Variants in PIGQ observed in about 807,000 individuals in gnomAD.
The protein encoded by PIGQ is phosphatidylinositol glycan anchor biosynthesis class Q, also known as phosphatidylinositol N-acetylglucosaminyltransferase subunit Q.
PIGQ carries 54 observed loss-of-function variants against 60.3 expected under a neutral mutation model. That is an observed-to-expected ratio of 0.90 (90% confidence interval 0.72 to 1.12). The LOEUF (loss-of-function observed/expected upper bound fraction) is 1.12. Among genes scored for constraint, PIGQ ranks in the 50% most tolerant of loss-of-function variants. The pLI is 0.00. For missense variants in PIGQ, 799 were observed against 793.5 expected (o/e 1.01, Z -0.08); for synonymous variants, 416 against 363.7 (o/e 1.14, Z -1.64).
intron 9 of PIGQ, chr16:581,918 C>T (rs759585742): frequency 3.8e-5 from 14 of 370,508 alleles, no homozygotes; most frequent in Non-Finnish European, 6.8e-5. Flanking sequence ...CACACGCCAT[C>T]ACACCCGGCT....
At chr16:571,778 G>A (rs749396879) in intron 1 of PIGQ, among the ~76,000 whole-genome samples, 24 of 152,268 alleles carry the variant, frequency 1.6e-4, no homozygotes, top group Non-Finnish European at 2.8e-4. Flanking sequence ...GACCGTCCCA[G>A]AGGCTGAGGT....
At chr16:571,962 G>T (rs140915348) in intron 1 of PIGQ, among the ~76,000 whole-genome samples, 1 of 151,966 alleles carries the variant, frequency 6.6e-6, no homozygotes, top group Non-Finnish European at 1.5e-5. Flanking sequence ...CGCACAGATC[G>T]TGAGCACGTA....
Position 580,861 on chromosome 16 carries a change from C to A in PIGQ, c.1420C>A (p.Arg474=), listed in dbSNP as rs758205816. Residue 474 remains arginine, a synonymous_variant, in exon 9 of 11, where the codon CGG becomes AGG. Transcript: ENST00000321878. ...ALYYLVFTLL[R]LLVVAVQGLI... The stretch of plus-strand genomic sequence containing the variant: ...CCTAAATGCTCCTCTGCCACAGCTC[C>A]GGCTCCTGGTGGTCGCCGTGCAGGG... 1 of 1,447,598 alleles carries A rather than the reference C, an allele frequency of 6.9e-7. No individual in the cohort carries two copies. The highest frequency in any genetic ancestry group is 1.7e-5 in the Admixed American group (1 of 59,864). The allele number at this position is 1,447,598 out of a possible 1,614,324, so 89.7% of individuals were successfully genotyped here.
At chr16:581,147 C>T (rs2035803426) in intron 9 of PIGQ, 175 bp downstream of exon 9, 2 of 1,462,328 alleles carry the variant, frequency 1.4e-6, no homozygotes, top group East Asian at 2.5e-5. Flanking sequence ...TCTGCAGGAC[C>T]AGCTGCCTCC....
At chr16:575,609 G>A (rs920436885) in intron 2 of PIGQ, among the ~76,000 whole-genome samples, 1 of 152,160 alleles carries the variant, frequency 6.6e-6, no homozygotes, top group African/African-American at 2.4e-5. Context: ...CAGGTGGCCC[G>A]GGGTCAGCAC....
chr16:579,917 T>C lies in PIGQ; in HGVS notation c.1336-266T>C, dbSNP rs1027578725. ...TTGCCGCAGCCGCTGGATGCTGCCA[T>C]GCAGAGCATGTTCTTGGTGACTGTG... On this transcript the variant is annotated intron_variant, in intron 7 of 10. Coordinates refer to ENST00000321878, the MANE Select transcript of PIGQ (RefSeq NM_004204.5). 38 of 359,730 alleles carry C rather than the reference T, an allele frequency of 1.1e-4. No individual in the cohort carries two copies. In the Admixed American group the frequency reaches 1.7e-3, roughly 17 times the overall value. 22.3% of individuals were successfully genotyped at this position (359,730 alleles called of 1,614,324 possible).
Position 583,625 on chromosome 16 carries a change from C to T in PIGQ, c.*590C>T, listed in dbSNP as rs775081047. The stretch of plus-strand genomic sequence containing the variant: ...ATTTGCGGATGTTCCCTGGAGAGGT[C>T]GCTTTGTGAAGAAACCATCAGCAGG... On this transcript the variant is annotated 3_prime_UTR_variant, in exon 11 of 11. Coordinates refer to ENST00000321878, the MANE Select transcript of PIGQ (RefSeq NM_004204.5). The T allele has an allele frequency of 1.7e-5, 28 of 1,612,576 alleles. No homozygotes were observed. The highest frequency in any genetic ancestry group is 1.5e-4 in the Admixed American group (9 of 59,996).
At chr16:571,068 T>TCTGGCTAGC (rs1567173342) in intron 1 of PIGQ, among the ~76,000 whole-genome samples, 1 of 16,748 alleles carries the variant, frequency 6.0e-5, no homozygotes, top group African/African-American at 2.9e-4. Flanking sequence ...TGTGTGTGTG[T>TCTGGCTAGC]GTGTGTGTGT....
At position 583,418 on chromosome 16, in the gene PIGQ, G is replaced by C. The variant is rs2035846398; in HGVS notation, c.*383G>C. 2 of 1,612,608 alleles carry C rather than the reference G, an allele frequency of 1.2e-6. No individual in the cohort carries two copies. The highest frequency in any genetic ancestry group is 1.7e-5 in the Admixed American group (1 of 59,998). On this transcript the variant is annotated 3_prime_UTR_variant, in exon 11 of 11. Transcript: ENST00000321878. ...AGGTGGAGGGCTGGTCTCCCTGGGG[G>C]CTCCCCAGTGGCTCTGCCCTGGCTG...
intron 8 of PIGQ, 50 bp downstream of exon 8, chr16:580,313 T>C: frequency 7.1e-7 from 1 of 1,410,282 alleles, no homozygotes; most frequent in Non-Finnish European, 9.9e-7. Context: ...TCTGTGTGGC[T>C]TCTGCCAGCG....
rs906137057 is a variant in PIGQ at position 574,412 on chromosome 16, A to G, written c.338A>G (p.Gln113Arg). 6.2e-7 allele frequency: 1 copy of G among 1,610,704 alleles called. No homozygotes were observed. Among genetic ancestry groups the G allele is most frequent in the Admixed American group, 1.7e-5 (1 of 59,756 alleles). The change falls in exon 2 of 11, where the codon CAA becomes CGA. Residue 113 changes from glutamine (Q) to arginine (R), a missense_variant. Physicochemically the swap from Gln to Arg is conservative, Grantham distance 43. Coordinates refer to ENST00000321878, the MANE Select transcript of PIGQ (RefSeq NM_004204.5). Reference protein sequence around the residue: ...TFWSCEATHRQAPTAPGAPGE... With the variant: ...TFWSCEATHRRAPTAPGAPGE... ...TGGAGCTGCGAGGCCACCCACCGGC[A>G]AGCGCCCACTGCCCCCGGTGCCCCT...
Position 574,646 on chromosome 16 carries a change from G to A in PIGQ, c.572G>A (p.Trp191Ter), listed in dbSNP as rs758325986. Reference sequence around the variant, plus strand: ...GAGGGCCCCGTGCGGCTGAGCCACTGGCAGTCGGAGGGCGTGGAGGCCAGC... The same window carrying A: ...GAGGGCCCCGTGCGGCTGAGCCACTAGCAGTCGGAGGGCGTGGAGGCCAGC... ...FDEGPVRLSH[W>*]QSEGVEASIL... Residue 191 changes from tryptophan (W) to a stop codon, truncating the protein, a stop_gained, in exon 2 of 11, where the codon TGG (tryptophan) becomes TAG (stop). Transcript: ENST00000321878. LOFTEE classifies it high-confidence loss of function. The A allele has an allele frequency of 6.2e-6, 10 of 1,607,732 alleles. No individual in the cohort carries two copies. The highest frequency in any genetic ancestry group is 5.9e-6 in the Non-Finnish European group (7 of 1,178,926).
chr16:570,982 C>G (rs920240922), intron 1 of PIGQ, among the ~76,000 whole-genome samples: 4 of 151,778 alleles, frequency 2.6e-5, no homozygotes, highest in African/African-American at 7.3e-5. Flanking sequence ...AATGGCTTCT[C>G]AAGAGCACTC....
Position 574,201 on chromosome 16 carries a change from A to G in PIGQ, c.127A>G (p.Ile43Val). The change falls in exon 2 of 11, where the codon ATC becomes GTC. Residue 43 changes from isoleucine to valine, a missense_variant. Ile to Val is a conservative substitution (Grantham distance 29). Coordinates refer to ENST00000321878, the MANE Select transcript of PIGQ (RefSeq NM_004204.5). The part of the protein sequence containing the change: ...LAVLHFPFIP[I>V]QVKQLLAQVR... The stretch of plus-strand genomic sequence containing the variant: ...GGTCCTGCACTTTCCCTTCATCCCC[A>G]TCCAGGTCAAGCAGCTCCTGGCCCA... The G allele has an allele frequency of 1.9e-6, 3 of 1,612,278 alleles. No individual in the cohort carries two copies. The highest frequency in any genetic ancestry group is 1.7e-6 in the Non-Finnish European group (2 of 1,179,736).
chr16:581,912 C>T (rs1254397555), intron 9 of PIGQ: 8 of 360,144 alleles, frequency 2.2e-5, no homozygotes, highest in East Asian at 7.0e-5. Context: ...TACAGGCACA[C>T]GCCATCACAC....
Position 574,357 on chromosome 16 carries a change from C to A in PIGQ, c.283C>A (p.Arg95=). The A allele has an allele frequency of 6.2e-7, 1 of 1,609,674 alleles. No individual in the cohort carries two copies. Among genetic ancestry groups the A allele is most frequent in the East Asian group, 2.2e-5 (1 of 44,822 alleles). ...TGTCTTCCCCCATGAGCCCTGGCTG[C>A]GGCTGTGCCGGGAGAGAGGCGGCAC... ...GAVFPHEPWL[R]LCRERGGTFW... Residue 95 remains arginine, a synonymous_variant, in exon 2 of 11, where the codon CGG becomes AGG. Coordinates refer to ENST00000321878, the MANE Select transcript of PIGQ (RefSeq NM_004204.5).
chr16:574,667 C>T lies in PIGQ; in HGVS notation c.593C>T (p.Ala198Val), dbSNP rs768917828. The T allele has an allele frequency of 6.2e-7, 1 of 1,607,406 alleles. No homozygotes were observed. Among genetic ancestry groups the T allele is most frequent in the Admixed American group, 1.7e-5 (1 of 59,890 alleles). ...LSHWQSEGVE[A>V]SILAELARRA... ...CACTGGCAGTCGGAGGGCGTGGAGG[C>T]CAGCATCCTCGCGGAGCTGGCCAGG... is the stretch of plus-strand genomic sequence containing the variant. The change falls in exon 2 of 11, where the codon GCC becomes GTC. Residue 198 changes from alanine to valine, a missense_variant. Ala to Val is a moderately conservative substitution (Grantham distance 64, BLOSUM62 0). Coordinates refer to ENST00000321878, the MANE Select transcript of PIGQ (RefSeq NM_004204.5).
intron 1 of PIGQ, among the ~76,000 whole-genome samples, chr16:571,079 G>C (rs867047418): frequency 4.0e-3 from 50 of 12,398 alleles, no homozygotes; most frequent in East Asian, 0.02. Context: ...GTGTGTGTGT[G>C]TGTGTGTGTG....
rs762076149 is a variant in PIGQ, at chr16:576,254, C to A, written c.942C>A (p.Asp314Glu). The A allele has an allele frequency of 1.1e-5, 17 of 1,555,046 alleles. No individual in the cohort carries two copies. Among genetic ancestry groups the A allele is most frequent in the African/African-American group, 2.7e-5 (2 of 73,544 alleles). ...HLADALVPVA[D>E]HVAEELQHLL... Reference sequence around the variant, plus strand: ...CCGACGCCCTCGTTCCTGTGGCTGACGTGAGTGGACTGGGGTGGAGCCCGG... The same window carrying A: ...CCGACGCCCTCGTTCCTGTGGCTGAAGTGAGTGGACTGGGGTGGAGCCCGG... Residue 314 changes from aspartate to glutamate, a missense_variant and splice_region_variant, in exon 4 of 11, where the codon GAC becomes GAA. Transcript: ENST00000321878.
Sources: allele counts gnomAD v4.1 joint callset (sites outside exome capture counted in the v4.1 genomes callset), GRCh38; gene constraint gnomAD v4.1.1; transcripts MANE v1.5; gene names NCBI Gene and HGNC (gene_info 2026-07-23, HGNC 2026-07-21).